PEX1: variants seen among roughly 807,000 people sequenced by gnomAD.
PEX1 encodes the protein peroxisomal ATPase PEX1.
A neutral mutation model predicts 152.5 loss-of-function variants in PEX1; 97 were observed. That is an observed-to-expected ratio of 0.64 (90% CI 0.54 to 0.75). PEX1 has a LOEUF of 0.75. Among genes scored for constraint, PEX1 ranks in the 30% least tolerant of loss-of-function variants. The pLI, the probability that PEX1 is intolerant of heterozygous loss-of-function variation, is 0.00. For missense variants in PEX1, 1,357 were observed against 1,516.3 expected, an observed-to-expected ratio of 0.89 and a Z score of 1.74; for synonymous variants, 485 against 531.6, an observed-to-expected ratio of 0.91 and a Z score of 1.21.
At chr7:92,491,801 T>C (rs2116063231) in intron 20 of PEX1, among the ~76,000 whole-genome samples, 1 of 152,294 alleles carries the variant, frequency 6.6e-6, no homozygotes, top group Middle Eastern at 3.4e-3. Context: ...CATTCATACT[T>C]TTCTACTCCA....
intron 5 of PEX1, among the ~76,000 whole-genome samples, chr7:92,516,051 G>A (rs200896505): frequency 0.051 from 3,694 of 72,446 alleles, 59 homozygotes; most frequent in East Asian, 0.081. Flanking sequence ...GAGAAGAGAA[G>A]AGAAAAAAGA....
Position 92,494,551 on chromosome 7 carries a change from T to A in PEX1, c.2862A>T (p.Thr954=), listed in dbSNP as rs774719262. 6.2e-7 allele frequency: 1 copy of A among 1,613,928 alleles called. No individual in the cohort carries two copies. Among genetic ancestry groups the A allele is most frequent in the Non-Finnish European group, 8.5e-7 (1 of 1,179,780 alleles). ...GGTTAACTACTCGGTCTGTAACTCC[T>A]GTATTATCATGACCCCGCCGAGGAG... The part of the protein sequence containing the change: ...SIAPRRGHDN[T]GVTDRVVNQL... Residue 954 remains threonine (T), a synonymous_variant, in exon 18 of 24, where the codon ACA becomes ACT. Coordinates refer to ENST00000248633, the MANE Select transcript of PEX1 (RefSeq NM_000466.3).
At chr7:92,493,268 CAGCCTACT>C (rs1791453795) in intron 19 of PEX1, 139 bp from the exon 20 acceptor site, 1 of 529,040 alleles carries the variant, frequency 1.9e-6, no homozygotes, top group Admixed American at 3.5e-5. Flanking sequence ...AATGTACCAA[CAGCCTACT>C]ATTTATCTTC....
At chr7:92,506,878 C>A in intron 10 of PEX1, 116 bp downstream of exon 10, 2 of 968,532 alleles carry the variant, frequency 2.1e-6, no homozygotes, top group Non-Finnish European at 3.3e-6. Context: ...GTCGTATAAA[C>A]CCTATATAAT....
intron 2 of PEX1, among the ~76,000 whole-genome samples, chr7:92,520,384 G>A (rs1480726891): frequency 6.6e-6 from 1 of 152,134 alleles, no homozygotes; most frequent in African/African-American, 2.4e-5. Flanking sequence ...CTAGTGTTAG[G>A]TTTACAGATT....
intron 1 of PEX1, among the ~76,000 whole-genome samples, chr7:92,526,051 G>C (rs1435131061): frequency 6.6e-6 from 1 of 152,184 alleles, no homozygotes; most frequent in Non-Finnish European, 1.5e-5. Context: ...TGCAGAGTGA[G>C]CTATAGACAA....
chr7:92,498,293 C>T (rs772426310), intron 16 of PEX1, among the ~76,000 whole-genome samples: 15 of 151,910 alleles, frequency 9.9e-5, no homozygotes, highest in Non-Finnish European at 2.2e-4. Context: ...CACTCGAGGT[C>T]AGGAGTTCAA....
rs1381356182 is a variant in PEX1, at chr7:92,491,511, C to T, written c.3208-9G>A. 1.3e-6 allele frequency: 2 copies of T among 1,494,950 alleles called. No homozygotes were observed. Among genetic ancestry groups the T allele is most frequent in the Non-Finnish European group, 1.9e-6 (2 of 1,071,912 alleles). 92.6% of individuals were successfully genotyped at this position (1,494,950 alleles called of 1,614,324 possible). On this transcript the variant is annotated splice_polypyrimidine_tract_variant and intron_variant, in intron 20 of 23. Transcript: ENST00000248633. The stretch of plus-strand genomic sequence containing the variant: ...GAGCTGGAACTTCCATCCTAAAATA[C>T]ACAAAAGGACAACCAGTTTAAAGAT...
intron 19 of PEX1, chr7:92,493,903 T>C (rs1179168434): frequency 4.0e-6 from 1 of 249,794 alleles, no homozygotes; most frequent in East Asian, 1.0e-4. Context: ...CAAGGAAGAG[T>C]TGAAAAATTA....
chr7:92,516,055 A>AAAAAGAAAAAAGAAAAGAAAAG (rs1554374886), intron 5 of PEX1, among the ~76,000 whole-genome samples: 34 of 85,784 alleles, frequency 4.0e-4, no homozygotes, highest in African/African-American at 1.5e-3. Context: ...AGAGAAGAGA[A>AAAAAGAAAAAAGAAAAGAAAAG]AAAAGAAAAG....
intron 11 of PEX1, 60 bp downstream of exon 11, chr7:92,506,188 A>G (rs1223296036): frequency 5.6e-6 from 5 of 896,004 alleles, no homozygotes; most frequent in Middle Eastern, 4.2e-4. Context: ...AGCATTATGT[A>G]TAACATTCCT....
At chr7:92,514,086 CATA>C (rs1318765756) in intron 5 of PEX1, 119 bp from the exon 6 acceptor site, 8 of 651,288 alleles carry the variant, frequency 1.2e-5, no homozygotes, top group South Asian at 6.0e-5. Flanking sequence ...CAGAAGCTAT[CATA>C]ATAACTCATA....
Position 92,513,982 on chromosome 7 carries a change from T to C in PEX1, c.1240-15A>G, listed in dbSNP as rs772143282. ...TCATCTGGAATCTGAAATTTAAAAA[T>C]AAACAAAAATATAAATATATTCAAA... On this transcript the variant is annotated splice_polypyrimidine_tract_variant and intron_variant, in intron 5 of 23. Coordinates refer to ENST00000248633, the MANE Select transcript of PEX1 (RefSeq NM_000466.3). 6 of 1,451,740 alleles carry C rather than the reference T, an allele frequency of 4.1e-6. No homozygotes were observed. The highest frequency in any genetic ancestry group is 5.8e-6 in the Non-Finnish European group (6 of 1,041,136). The allele number at this position is 1,451,740 out of a possible 1,614,324, so 89.9% of individuals were successfully genotyped here. A position where few individuals can be genotyped will look rare whatever the true frequency, so the allele number is the denominator to read the frequency against.
In PEX1 at chr7:92,494,296, A is replaced by G. The variant is rs1386804226; in HGVS notation, c.3027T>C (p.Asp1009=). 6.2e-7 allele frequency: 1 copy of G among 1,610,712 alleles called. No homozygotes were observed. The highest frequency in any genetic ancestry group is 1.1e-5 in the South Asian group (1 of 90,892). Residue 1009 remains aspartate (D), a synonymous_variant, in exon 19 of 24, where the codon GAT becomes GAC. Transcript: ENST00000248633. ...LDKCVYCPPP[D]QVSRLEILNV... ...ACTCTAAATATGAAATTGTCACCTG[A>G]TCAGGAGGAGGACAGTATACACATT...
intron 21 of PEX1, chr7:92,490,142 G>A: frequency 3.7e-6 from 2 of 543,642 alleles, no homozygotes; most frequent in Non-Finnish European, 6.5e-6. Flanking sequence ...CATAACACAG[G>A]GTAGGTTTTT....
Position 92,487,478 on chromosome 7 carries a change from T to G in PEX1, c.3831A>C (p.Gly1277=). ...TATTTTATGCTAAAGTTACTTTCTG[T>G]CCAGGTCGAAACATTGTTCCACTTT... is the stretch of plus-strand genomic sequence containing the variant. ...KNQSGTMFRP[G]QKVTLA The change falls in exon 24 of 24, where the codon GGA becomes GGC. Residue 1277 remains glycine, a synonymous_variant. Coordinates refer to ENST00000248633, the MANE Select transcript of PEX1 (RefSeq NM_000466.3). 1 of 1,590,678 alleles carries G rather than the reference T, an allele frequency of 6.3e-7. No individual in the cohort carries two copies. The highest frequency in any genetic ancestry group is 1.3e-5 in the African/African-American group (1 of 74,622).
rs769193702 is a variant in PEX1, at chr7:92,528,486, C to A, written c.-51G>T. The A allele has an allele frequency of 1.3e-6, 2 of 1,514,692 alleles. No homozygotes were observed. Among genetic ancestry groups the A allele is most frequent in the Non-Finnish European group, 8.8e-7 (1 of 1,131,708 alleles). The allele number at this position is 1,514,692 out of a possible 1,614,324, so 93.8% of individuals were successfully genotyped here. ...GCCCACCCTAGCGCCGCAAAGGACC[C>A]GGGACCCGGCAGGCCGAGGACGTCG... On this transcript the variant is annotated 5_prime_UTR_variant, in exon 1 of 24. Coordinates refer to ENST00000248633, the MANE Select transcript of PEX1 (RefSeq NM_000466.3).
chr7:92,498,654 C>A (rs1791774875), intron 16 of PEX1, among the ~76,000 whole-genome samples: 1 of 152,176 alleles, frequency 6.6e-6, no homozygotes, highest in African/African-American at 2.4e-5. Context: ...GATACTGGAT[C>A]TGCGACCACA....
chr7:92,503,302 C>T, intron 12 of PEX1, 107 bp from the exon 13 acceptor site: 1 of 929,364 alleles, frequency 1.1e-6, no homozygotes, highest in Non-Finnish European at 1.7e-6. Flanking sequence ...CTTTAAGGTG[C>T]AGTATGTATG....
Sources: gnomAD v4.1 joint callset for allele counts (sites outside exome capture counted in the v4.1 genomes callset) on GRCh38, gnomAD v4.1.1 for gene constraint, MANE v1.5 for transcripts, NCBI Gene and HGNC (gene_info 2026-07-23, HGNC 2026-07-21) for gene names.